Variants in NEDD4L observed in about 807,000 individuals in gnomAD.
The protein encoded by NEDD4L is NEDD4 like E3 ubiquitin protein ligase, also known as E3 ubiquitin-protein ligase NEDD4-like.
In NEDD4L, 54 loss-of-function variants were observed where a neutral mutation model predicts 148.9. That is an observed-to-expected ratio of 0.36 (90% CI 0.29 to 0.45). The LOEUF (loss-of-function observed/expected upper bound fraction) is 0.45, where lower values mean the gene tolerates loss of function less well. Among genes scored for constraint, NEDD4L ranks in the 20% least tolerant of loss-of-function variants. NEDD4L has a pLI of 1.00. For missense variants in NEDD4L, 856 were observed against 1,233.8 expected, an observed-to-expected ratio of 0.69 and a Z score of 4.59; for synonymous variants, 433 against 440.7, an observed-to-expected ratio of 0.98 and a Z score of 0.22.
At chr18:58,391,032 T>C (rs1046755411) in intron 29 of NEDD4L, among the ~76,000 whole-genome samples, 1 of 151,970 alleles carries the variant, frequency 6.6e-6, no homozygotes, top group African/African-American at 2.4e-5. Flanking sequence ...AAAAACTAGG[T>C]TTTGTAGGGT....
chr18:58,099,551 A>G (rs2084630479), intron 1 of NEDD4L, among the ~76,000 whole-genome samples: 1 of 152,166 alleles, frequency 6.6e-6, no homozygotes, highest in Non-Finnish European at 1.5e-5. Flanking sequence ...ATTTCCTGTT[A>G]GAGTGGGATA....
intron 30 of NEDD4L, 131 bp downstream of exon 30, chr18:58,391,690 G>A: frequency 1.5e-6 from 1 of 667,614 alleles, no homozygotes; most frequent in Non-Finnish European, 2.6e-6. Flanking sequence ...GGACAGTGAT[G>A]TGGATGAAAA....
At chr18:58,101,749 A>T (rs1019450295) in intron 1 of NEDD4L, among the ~76,000 whole-genome samples, 1 of 152,146 alleles carries the variant, frequency 6.6e-6, no homozygotes, top group African/African-American at 2.4e-5. Context: ...ACCTCTTTGG[A>T]TGGTTGTTCT....
At chr18:58,306,061 G>A (rs1358632478) in intron 5 of NEDD4L, among the ~76,000 whole-genome samples, 1 of 152,222 alleles carries the variant, frequency 6.6e-6, no homozygotes, top group African/African-American at 2.4e-5. Flanking sequence ...GGAAAGGCAG[G>A]GATGGAGGGT....
intron 1 of NEDD4L, among the ~76,000 whole-genome samples, chr18:58,067,675 A>G (rs1302824527): frequency 1.3e-5 from 2 of 152,230 alleles, no homozygotes; most frequent in Non-Finnish European, 2.9e-5. Context: ...GTAGCTGCAC[A>G]CATGTTGTTC....
chr18:58,206,456 C>T (rs1259304536), intron 2 of NEDD4L, among the ~76,000 whole-genome samples: 1 of 152,112 alleles, frequency 6.6e-6, no homozygotes, highest in Non-Finnish European at 1.5e-5. Flanking sequence ...TGGTTCAGCC[C>T]AGCAACATCG....
At chr18:58,237,592 G>A (rs1308984464) in intron 2 of NEDD4L, among the ~76,000 whole-genome samples, 1 of 152,102 alleles carries the variant, frequency 6.6e-6, no homozygotes, top group Non-Finnish European at 1.5e-5. Context: ...AAAGATAAGG[G>A]AACAAAATTT....
intron 1 of NEDD4L, among the ~76,000 whole-genome samples, chr18:58,073,976 T>C (rs2144955480): frequency 6.6e-6 from 1 of 152,294 alleles, no homozygotes; most frequent in East Asian, 1.9e-4. Flanking sequence ...CTTGGGGCAT[T>C]TGTACCTTAT....
chr18:58,346,035 G>A (rs2043018152), intron 16 of NEDD4L, among the ~76,000 whole-genome samples: 2 of 151,656 alleles, frequency 1.3e-5, no homozygotes, highest in African/African-American at 4.8e-5. Context: ...CTGGGATTAT[G>A]GGCATGAGAC....
rs184790185 is a variant in NEDD4L at position 58,272,641 on chromosome 18, A to T, written c.297+20587A>T. On this transcript the variant is annotated intron_variant, in intron 5 of 30. Coordinates refer to ENST00000400345, the MANE Select transcript of NEDD4L (RefSeq NM_001144967.3). ...CGAGACCCTGTCTCAAAGAAAAAAA[A>T]AAAAAATTAATCCCGACCTTCCTCC... Among the ~76,000 whole-genome samples, 15 of 152,246 alleles carry T rather than the reference A, an allele frequency of 9.9e-5. No homozygotes were observed. The East Asian group carries it at 2.9e-3, about 29-fold the overall frequency.
At chr18:58,313,088 A>C (rs1173570827) in intron 5 of NEDD4L, among the ~76,000 whole-genome samples, 1 of 152,254 alleles carries the variant, frequency 6.6e-6, no homozygotes, top group African/African-American at 2.4e-5. Context: ...ATCTCTCACC[A>C]ACTACATCTT....
intron 1 of NEDD4L, among the ~76,000 whole-genome samples, chr18:58,163,184 C>G (rs566027340): frequency 2.6e-5 from 4 of 152,150 alleles, no homozygotes; most frequent in Non-Finnish European, 5.9e-5. Flanking sequence ...CTCAAGTGAT[C>G]CTCCTGCTTC....
intron 2 of NEDD4L, among the ~76,000 whole-genome samples, chr18:58,184,915 G>A (rs1043322697): frequency 3.3e-5 from 5 of 151,298 alleles, no homozygotes; most frequent in Non-Finnish European, 5.9e-5. Context: ...GCGACAGAGC[G>A]AGACTCCATC....
At chr18:58,151,279 T>C (rs1192664339) in intron 1 of NEDD4L, among the ~76,000 whole-genome samples, 1 of 152,242 alleles carries the variant, frequency 6.6e-6, no homozygotes, top group African/African-American at 2.4e-5. Flanking sequence ...AGAATGGCTC[T>C]CCAAGGGGCT....
chr18:58,323,357 C>G (rs1344222726), intron 8 of NEDD4L, 23 bp downstream of exon 8: 1 of 1,195,218 alleles, frequency 8.4e-7, no homozygotes, highest in Non-Finnish European at 1.2e-6. Context: ...CGTCAGGCCT[C>G]TCTCCTTGCC....
intron 2 of NEDD4L, among the ~76,000 whole-genome samples, chr18:58,229,921 G>A (rs993202996): frequency 1.3e-5 from 2 of 152,054 alleles, no homozygotes; most frequent in Non-Finnish European, 2.9e-5. Context: ...CCCAGGAGGC[G>A]GAGGTTGCAG....
At chr18:58,123,045 T>C (rs1261944074) in intron 1 of NEDD4L, among the ~76,000 whole-genome samples, 2 of 152,206 alleles carry the variant, frequency 1.3e-5, no homozygotes. Context: ...ACTGACTGTT[T>C]ATATCTGTTA....
At chr18:58,098,893 C>T (rs1032509209) in intron 1 of NEDD4L, among the ~76,000 whole-genome samples, 11 of 152,132 alleles carry the variant, frequency 7.2e-5, no homozygotes, top group Admixed American at 3.9e-4. Context: ...TGGTGATACC[C>T]AACCCATGTC....
chr18:58,318,498 G>A lies in NEDD4L; in HGVS notation c.348+2466G>A, dbSNP rs533812256. On this transcript the variant is annotated intron_variant, in intron 6 of 30. Coordinates refer to ENST00000400345, the MANE Select transcript of NEDD4L (RefSeq NM_001144967.3). ...CTTGAGCATGGGAGGTCATTACTAC[G>A]CTGAGCCGTGGTTGTACCACTGCGC... Among the ~76,000 whole-genome samples the A allele has an allele frequency of 5.5e-4, 84 of 152,316 alleles. 1 individual carries two copies. Among genetic ancestry groups the A allele is most frequent in the Admixed American group, 4.4e-3 (67 of 15,298 alleles).
Sources: allele counts gnomAD v4.1 joint callset (sites outside exome capture counted in the v4.1 genomes callset), GRCh38; gene constraint gnomAD v4.1.1; transcripts MANE v1.5; gene names NCBI Gene and HGNC (gene_info 2026-07-23, HGNC 2026-07-21).